The following AIDA variants were observed in gnomAD, a reference collection of about 807,000 sequenced individuals.
AIDA encodes axin interactor, dorsalization-associated protein.
Under a neutral mutation model 42.7 loss-of-function variants are expected in AIDA, and 18 were observed. That is an observed-to-expected ratio of 0.42 (90% confidence interval 0.29 to 0.63). The LOEUF (loss-of-function observed/expected upper bound fraction) is 0.63. Among genes scored for constraint, AIDA ranks in the 20% least tolerant of loss-of-function variants. AIDA has a pLI of 0.19. For synonymous variants in AIDA, 104 were observed against 122.9 expected (o/e 0.85, Z 1.02); for missense variants, 250 against 354.1 (o/e 0.71, Z 2.36).
At chr1:222,694,693 T>TA (rs1655466709) in intron 2 of AIDA, among the ~76,000 whole-genome samples, 1 of 152,226 alleles carries the variant, frequency 6.6e-6, no homozygotes, top group Non-Finnish European at 1.5e-5. Context: ...GTTTAATATA[T>TA]AGGCAACACT....
chr1:222,712,485 A>C lies in AIDA; in HGVS notation c.-168T>G. ...CCAAGCCCATTTGCCGCCACAGCCA[A>C]ACTTTGCGGCTCCAAAGCGACCGCC... is the stretch of plus-strand genomic sequence containing the variant. On this transcript the variant is annotated 5_prime_UTR_variant, in exon 1 of 10. Coordinates refer to ENST00000340020, the MANE Select transcript of AIDA (RefSeq NM_022831.4). 1 of 1,414,622 alleles carries C rather than the reference A, an allele frequency of 7.1e-7. No individual in the cohort carries two copies. The highest frequency in any genetic ancestry group is 9.2e-7 in the Non-Finnish European group (1 of 1,087,492). 87.6% of individuals were successfully genotyped at this position (1,414,622 alleles called of 1,614,324 possible).
intron 2 of AIDA, among the ~76,000 whole-genome samples, chr1:222,702,488 G>A (rs1324042649): frequency 6.6e-6 from 1 of 151,808 alleles, no homozygotes; most frequent in Non-Finnish European, 1.5e-5. Flanking sequence ...TAAAGCTTCA[G>A]TCGCCCATTT....
At chr1:222,694,115 G>C in intron 3 of AIDA, 95 bp downstream of exon 3, 2 of 1,164,282 alleles carry the variant, frequency 1.7e-6, no homozygotes, top group Non-Finnish European at 2.5e-6. Flanking sequence ...ACACTTCTGA[G>C]ACAATACTGC....
chr1:222,672,326 G>A (rs2124947310), intron 8 of AIDA, among the ~76,000 whole-genome samples: 1 of 152,298 alleles, frequency 6.6e-6, no homozygotes, highest in East Asian at 1.9e-4. Context: ...TGGAGTTAAA[G>A]AAATGAAACA....
chr1:222,686,462 C>A lies in AIDA; in HGVS notation c.460+468G>T, dbSNP rs77161879. ...CAGTCCCCAATAAAAGCTTTGGGCA[C>A]TGACTCTAAAGAGCTTCTCTAGTAG... On this transcript the variant is annotated intron_variant, in intron 6 of 9. Coordinates refer to ENST00000340020, the MANE Select transcript of AIDA (RefSeq NM_022831.4). 1.5e-3 allele frequency among the ~76,000 whole-genome samples: 226 copies of A among 152,328 alleles called. 6 individuals are homozygous for A. In the South Asian group the frequency reaches 0.021, roughly 14 times the overall value.
At chr1:222,691,233 T>C (rs1655360110) in intron 4 of AIDA, among the ~76,000 whole-genome samples, 1 of 151,962 alleles carries the variant, frequency 6.6e-6, no homozygotes, top group African/African-American at 2.4e-5. Flanking sequence ...CAACAAAGGC[T>C]CTGAGGCAGA....
chr1:222,709,440 AAAAC>A (rs1349152691), intron 1 of AIDA, among the ~76,000 whole-genome samples: 2 of 152,198 alleles, frequency 1.3e-5, no homozygotes, highest in Admixed American at 1.3e-4. Flanking sequence ...CAGAAAAAAC[AAAAC>A]AAACAAAAAA....
At chr1:222,678,227 G>A (rs1411549433) in intron 6 of AIDA, among the ~76,000 whole-genome samples, 1 of 151,602 alleles carries the variant, frequency 6.6e-6, no homozygotes, top group Non-Finnish European at 1.5e-5. Flanking sequence ...GTGTGTGTGT[G>A]TGTGTGTGTA....
At chr1:222,701,877 C>T (rs1160391637) in intron 2 of AIDA, among the ~76,000 whole-genome samples, 1 of 152,052 alleles carries the variant, frequency 6.6e-6, no homozygotes, top group Non-Finnish European at 1.5e-5. Flanking sequence ...GCACACACCA[C>T]TACACTCAGC....
intron 5 of AIDA, 26 bp from the exon 6 acceptor site, chr1:222,687,062 C>T: frequency 6.2e-7 from 1 of 1,605,222 alleles, no homozygotes; most frequent in East Asian, 2.2e-5. Flanking sequence ...GCAGAAAAAA[C>T]AACAAACTGC....
chr1:222,709,150 T>C (rs1655923894), intron 1 of AIDA, among the ~76,000 whole-genome samples: 1 of 152,144 alleles, frequency 6.6e-6, no homozygotes, highest in Non-Finnish European at 1.5e-5. Flanking sequence ...TTTTCAACTG[T>C]AGCCGGGCAC....
chr1:222,673,658 G>T (rs1664490637), intron 7 of AIDA, among the ~76,000 whole-genome samples: 2 of 151,448 alleles, frequency 1.3e-5, no homozygotes, highest in South Asian at 4.2e-4. Context: ...GGCGCCTATA[G>T]TCCCAGCTAC....
chr1:222,687,628 T>G lies in AIDA; in HGVS notation c.320A>C (p.Glu107Ala), dbSNP rs1655236717. The change falls in exon 5 of 10, where the codon GAA becomes GCA. Residue 107 changes from glutamate to alanine, a missense_variant. Physicochemically the swap from Glu to Ala is moderately radical, Grantham distance 107 (BLOSUM62 -1). This residue lies in a region of AIDA where 199 missense variants were observed against 232.6 expected (regional missense o/e 0.86). Coordinates refer to ENST00000340020, the MANE Select transcript of AIDA (RefSeq NM_022831.4). ...ILKNILTYNK[E>A]FPFDVQPVPL... ...GACAGGCTGAACATCAAATGGGAATTCTTTATTATATGTAAGAATATTCTT... is the reference window on the plus strand; with the variant it reads ...GACAGGCTGAACATCAAATGGGAATGCTTTATTATATGTAAGAATATTCTT... 7 of 1,496,794 alleles carry G rather than the reference T, an allele frequency of 4.7e-6. No individual in the cohort carries two copies. In the East Asian group the frequency reaches 1.6e-4, roughly 35 times the overall value. The allele number at this position is 1,496,794 out of a possible 1,614,324, so 92.7% of individuals were successfully genotyped here.
chr1:222,704,011 G>C (rs1205357663), intron 1 of AIDA, among the ~76,000 whole-genome samples: 1 of 152,100 alleles, frequency 6.6e-6, no homozygotes, highest in Non-Finnish European at 1.5e-5. Context: ...CTCCAAAGAA[G>C]ACATAAAATG....
Position 222,703,323 on chromosome 1 carries a change from T to C in AIDA, c.111-106A>G, listed in dbSNP as rs1655760723. The stretch of plus-strand genomic sequence containing the variant: ...CATGTGAAGTACAATTATTGTCCTG[T>C]TTTTAAAATACAAATCTACATTGAG... On this transcript the variant is annotated intron_variant, in intron 1 of 9. Coordinates refer to ENST00000340020, the MANE Select transcript of AIDA (RefSeq NM_022831.4). The C allele has an allele frequency of 6.5e-6, 5 of 771,468 alleles. No homozygotes were observed. The East Asian group carries it at 1.5e-4, about 22-fold the overall frequency. 47.8% of individuals were successfully genotyped at this position (771,468 alleles called of 1,614,324 possible).
At position 222,668,323 on chromosome 1, in the gene AIDA, A is replaced by T. The variant is rs1003628278; in HGVS notation, c.*1570T>A. On this transcript the variant is annotated 3_prime_UTR_variant, in exon 10 of 10. Transcript: ENST00000340020. ...GAGAAAATGCGCCTCTTGCTCCTTG[A>T]AGAGCTTACAGTCTAGGGATTTGAC... 7.8e-6 allele frequency: 1 copy of T among 127,926 alleles called. No individual in the cohort carries two copies. Among genetic ancestry groups the T allele is most frequent in the African/African-American group, 3.0e-5 (1 of 33,344 alleles). The allele number at this position is 127,926 out of a possible 1,614,324, so 7.9% of individuals were successfully genotyped here. A position where few individuals can be genotyped will look rare whatever the true frequency, so the allele number is the denominator to read the frequency against.
intron 4 of AIDA, among the ~76,000 whole-genome samples, chr1:222,691,336 T>C (rs952909309): frequency 2.6e-5 from 4 of 152,184 alleles, no homozygotes; most frequent in African/African-American, 4.8e-5. Flanking sequence ...TTAGAAGGTT[T>C]GAAATCAAAT....
At chr1:222,675,914 C>G (rs964825473) in intron 7 of AIDA, among the ~76,000 whole-genome samples, 182 bp downstream of exon 7, 2 of 152,180 alleles carry the variant, frequency 1.3e-5, no homozygotes, top group African/African-American at 4.8e-5. Context: ...GTAAATCTCT[C>G]AGAAGTGTTC....
At chr1:222,677,708 T>C (rs1220605499) in intron 6 of AIDA, among the ~76,000 whole-genome samples, 1 of 152,176 alleles carries the variant, frequency 6.6e-6, no homozygotes, top group Non-Finnish European at 1.5e-5. Flanking sequence ...TGAATTACCT[T>C]GATATATGTA....
Sources: gnomAD v4.1 joint callset for allele counts (sites outside exome capture counted in the v4.1 genomes callset) on GRCh38, gnomAD v4.1.1 for gene constraint, gnomAD v4.1.1 regional missense constraint, MANE v1.5 for transcripts, NCBI Gene and HGNC (gene_info 2026-07-23, HGNC 2026-07-21) for gene names.